FGGY: variants seen among roughly 807,000 people sequenced by gnomAD.
The protein encoded by FGGY is FGGY carbohydrate kinase domain containing, also known as FGGY carbohydrate kinase domain-containing protein.
FGGY carries 72 observed loss-of-function variants against 71.3 expected under a neutral mutation model. The ratio of observed to expected loss-of-function variants is 1.01; its 90% confidence interval spans 0.84 to 1.23. The LOEUF (loss-of-function observed/expected upper bound fraction) is 1.23, where lower values mean the gene tolerates loss of function less well. Among genes scored for constraint, FGGY ranks in the 50% most tolerant of loss-of-function variants. FGGY has a pLI of 0.00. For synonymous variants in FGGY, 251 were observed against 250.3 expected (o/e 1.00, Z -0.02); for missense variants, 668 against 682.3 (o/e 0.98, Z 0.23).
intron 8 of FGGY, among the ~76,000 whole-genome samples, chr1:59,600,097 CA>C (rs2096562635): frequency 6.6e-6 from 1 of 152,104 alleles, no homozygotes; most frequent in African/African-American, 2.4e-5. Flanking sequence ...CTATTTGGGT[CA>C]GGGAAACGAG....
chr1:59,605,436 C>T (rs1458503282), intron 8 of FGGY, among the ~76,000 whole-genome samples: 1 of 152,128 alleles, frequency 6.6e-6, no homozygotes, highest in Admixed American at 6.5e-5. Flanking sequence ...GCACTATGCT[C>T]TTGTTCACCA....
chr1:59,435,463 G>A (rs1285160034), intron 5 of FGGY, among the ~76,000 whole-genome samples: 2 of 152,094 alleles, frequency 1.3e-5, no homozygotes, highest in African/African-American at 4.8e-5. Flanking sequence ...TGCCACAGAG[G>A]CCCTGTGCCT....
chr1:59,301,688 A>G (rs1462072050), intron 1 of FGGY, among the ~76,000 whole-genome samples: 3 of 139,508 alleles, frequency 2.2e-5, no homozygotes, highest in Admixed American at 7.1e-5. Context: ...TGTTTTTCCT[A>G]TAACTGTTGT....
intron 5 of FGGY, among the ~76,000 whole-genome samples, chr1:59,404,001 G>A (rs1184099247): frequency 1.3e-5 from 2 of 152,064 alleles, no homozygotes; most frequent in Non-Finnish European, 2.9e-5. Context: ...AATTATATAA[G>A]ATAAAATTAT....
intron 4 of FGGY, among the ~76,000 whole-genome samples, chr1:59,359,744 G>C (rs768782276): frequency 6.6e-6 from 1 of 152,104 alleles, no homozygotes; most frequent in Non-Finnish European, 1.5e-5. Context: ...ATAAAAACAA[G>C]CTTGATCTCA....
intron 14 of FGGY, among the ~76,000 whole-genome samples, chr1:59,724,201 A>G (rs1264523328): frequency 7.3e-6 from 1 of 136,990 alleles, no homozygotes; most frequent in Non-Finnish European, 1.6e-5. Context: ...CGTGTTGGCC[A>G]GGCATGGTGG....
At chr1:59,569,471 A>C (rs1198841711) in intron 8 of FGGY, among the ~76,000 whole-genome samples, 1 of 152,200 alleles carries the variant, frequency 6.6e-6, no homozygotes, top group Non-Finnish European at 1.5e-5. Context: ...TGGTACCAGA[A>C]GTATATCTTG....
chr1:59,520,743 T>C (rs934373107), intron 7 of FGGY, among the ~76,000 whole-genome samples: 1 of 152,186 alleles, frequency 6.6e-6, no homozygotes, highest in African/African-American at 2.4e-5. Context: ...TAAGAAAATA[T>C]AGATTCCCAT....
At chr1:59,728,291 A>G (rs2097974489) in intron 14 of FGGY, among the ~76,000 whole-genome samples, 1 of 152,172 alleles carries the variant, frequency 6.6e-6, no homozygotes, top group East Asian at 1.9e-4. Context: ...ACTTACATGT[A>G]GTGCAGGTAC....
chr1:59,571,148 A>G (rs1001606574), intron 8 of FGGY, among the ~76,000 whole-genome samples: 4 of 152,196 alleles, frequency 2.6e-5, no homozygotes, highest in African/African-American at 9.7e-5. Flanking sequence ...GACATCTGTA[A>G]TCTCATTTGA....
chr1:59,648,807 G>T (rs906254301), intron 11 of FGGY, among the ~76,000 whole-genome samples: 5 of 152,108 alleles, frequency 3.3e-5, no homozygotes, highest in African/African-American at 1.2e-4. Flanking sequence ...TTGTGTTTTA[G>T]ACATGAAGTC....
intron 2 of FGGY, among the ~76,000 whole-genome samples, chr1:59,338,696 T>C (rs2050083339): frequency 6.6e-6 from 1 of 152,186 alleles, no homozygotes; most frequent in African/African-American, 2.4e-5. Context: ...CTGTATAGTA[T>C]TTCATTTTAC....
intron 8 of FGGY, among the ~76,000 whole-genome samples, chr1:59,602,022 G>A (rs2153810435): frequency 6.6e-6 from 1 of 152,338 alleles, no homozygotes; most frequent in Middle Eastern, 3.4e-3. Flanking sequence ...TGTGAGGGCA[G>A]AGTCTGTGTT....
chr1:59,406,942 A>G (rs532032654), intron 5 of FGGY, among the ~76,000 whole-genome samples: 1 of 152,332 alleles, frequency 6.6e-6, no homozygotes, highest in Non-Finnish European at 1.5e-5. Flanking sequence ...GGCTGTTTGC[A>G]CTGAGATCCA....
intron 5 of FGGY, among the ~76,000 whole-genome samples, chr1:59,417,671 G>A (rs2153436445): frequency 6.6e-6 from 1 of 152,170 alleles, no homozygotes; most frequent in East Asian, 1.9e-4. Context: ...TCTCATTGTG[G>A]TTTTGGTTTG....
chr1:59,685,455 C>G (rs2097536812), intron 14 of FGGY, among the ~76,000 whole-genome samples: 1 of 151,748 alleles, frequency 6.6e-6, no homozygotes, highest in Non-Finnish European at 1.5e-5. Flanking sequence ...AGAAAGCTTA[C>G]AATAAGTGAC....
At chr1:59,589,140 C>G (rs1312871658) in intron 8 of FGGY, among the ~76,000 whole-genome samples, 2 of 152,086 alleles carry the variant, frequency 1.3e-5, no homozygotes, top group Non-Finnish European at 2.9e-5. Flanking sequence ...AGTTGCAATC[C>G]TAGTCTCTGA....
chr1:59,694,695 T>C (rs2154007322), intron 14 of FGGY, among the ~76,000 whole-genome samples: 1 of 152,068 alleles, frequency 6.6e-6, no homozygotes, highest in South Asian at 2.1e-4. Flanking sequence ...GGTGTCTTTT[T>C]TTTTTTTTTT....
intron 6 of FGGY, among the ~76,000 whole-genome samples, chr1:59,507,450 T>C (rs2094415378): frequency 6.6e-6 from 1 of 152,198 alleles, no homozygotes. Context: ...TTCACTTGGT[T>C]TGACTGTTTT....
Sources: gnomAD v4.1 joint callset for allele counts (sites outside exome capture counted in the v4.1 genomes callset) on GRCh38, gnomAD v4.1.1 for gene constraint, MANE v1.5 for transcripts, NCBI Gene and HGNC (gene_info 2026-07-23, HGNC 2026-07-21) for gene names.